UTRN: variants seen among roughly 807,000 people sequenced by gnomAD.
UTRN encodes the protein utrophin.
UTRN carries 283 observed loss-of-function variants against 463.9 expected under a neutral mutation model. That is an observed-to-expected ratio of 0.61 (90% CI 0.55 to 0.67). The LOEUF is 0.67. Among genes scored for constraint, UTRN ranks in the 30% least tolerant of loss-of-function variants. The pLI is 0.00. For synonymous variants in UTRN, 1,442 were observed against 1,431.5 expected, an observed-to-expected ratio of 1.01 and a Z score of -0.17; for missense variants, 3,922 against 4,084.3, an observed-to-expected ratio of 0.96 and a Z score of 1.08.
chr6:144,495,910 A>G (rs1301150592), intron 33 of UTRN, among the ~76,000 whole-genome samples: 1 of 152,192 alleles, frequency 6.6e-6, no homozygotes, highest in Non-Finnish European at 1.5e-5. Context: ...TAATCCCTGT[A>G]AAAACTCAAG....
At chr6:144,426,231 G>A (rs2114858762) in intron 6 of UTRN, 56 bp from the exon 7 acceptor site, 1 of 1,541,550 alleles carries the variant, frequency 6.5e-7, no homozygotes, top group Non-Finnish European at 8.8e-7. Flanking sequence ...ATTGAAGTAA[G>A]TTGAAGTAAA....
At chr6:144,720,881 T>A (rs1430745072) in intron 53 of UTRN, among the ~76,000 whole-genome samples, 2 of 152,212 alleles carry the variant, frequency 1.3e-5, no homozygotes, top group Non-Finnish European at 2.9e-5. Context: ...GCTAGTATTG[T>A]TCTCTCTTCC....
At chr6:144,733,002 C>A (rs957439599) in intron 54 of UTRN, among the ~76,000 whole-genome samples, 6 of 152,126 alleles carry the variant, frequency 3.9e-5, no homozygotes, top group African/African-American at 1.4e-4. Flanking sequence ...CGTGCCCAGC[C>A]TAGCATAATA....
intron 32 of UTRN, 84 bp from the exon 33 acceptor site, chr6:144,493,217 G>A: frequency 7.2e-7 from 1 of 1,384,806 alleles, no homozygotes; most frequent in Non-Finnish European, 1.0e-6. Context: ...CTGTCAATCT[G>A]TGTAAGCTGT....
intron 17 of UTRN, among the ~76,000 whole-genome samples, chr6:144,449,924 G>A (rs1788085084): frequency 2.6e-5 from 4 of 152,100 alleles, no homozygotes; most frequent in South Asian, 2.1e-4. Context: ...TAATAATAGT[G>A]TATACTTTTT....
At position 144,442,753 on chromosome 6, in the gene UTRN, T is replaced by A. The variant is rs2114907084; in HGVS notation, c.1513-1528T>A. Among the ~76,000 whole-genome samples, 5 of 152,240 alleles carry A rather than the reference T, an allele frequency of 3.3e-5. 1 individual carries two copies. In the Middle Eastern group the frequency reaches 0.017, roughly 518 times the overall value. The stretch of plus-strand genomic sequence containing the variant: ...CTCCCACCAAGTTCCTCTCAAAAAA[T>A]GTGAGAACTGTGGTAGTTATAATGC... On this transcript the variant is annotated intron_variant, in intron 13 of 74. Coordinates refer to ENST00000367545, the MANE Select transcript of UTRN (RefSeq NM_007124.3).
At chr6:144,663,411 A>AT (rs1780078187) in intron 51 of UTRN, among the ~76,000 whole-genome samples, 1 of 152,000 alleles carries the variant, frequency 6.6e-6, no homozygotes, top group South Asian at 2.1e-4. Flanking sequence ...ATTTTAATTA[A>AT]TTTTTTTCCC....
At chr6:144,614,942 T>G (rs1376760682) in intron 51 of UTRN, among the ~76,000 whole-genome samples, 1 of 152,092 alleles carries the variant, frequency 6.6e-6, no homozygotes. Context: ...TAAGAAACCC[T>G]CAACATTTCA....
At chr6:144,683,643 A>G (rs61327327) in intron 52 of UTRN, among the ~76,000 whole-genome samples, 3,177 of 152,248 alleles carry the variant, frequency 0.021, 105 homozygotes, top group African/African-American at 0.071. Context: ...AAACTTTTCC[A>G]TCACTTTTCT....
chr6:144,440,929 T>A (rs1787092505), intron 13 of UTRN, among the ~76,000 whole-genome samples: 1 of 152,186 alleles, frequency 6.6e-6, no homozygotes, highest in South Asian at 2.1e-4. Context: ...GCAGGGAAAC[T>A]CCTTTTTTTA....
rs1027182910 is a variant in UTRN, at chr6:144,803,128, T to C, written c.9338T>C (p.Met3113Thr). Residue 3113 changes from methionine to threonine, a missense_variant, in exon 65 of 75, where the codon ATG becomes ACG. Physicochemically the swap from Met to Thr is moderately conservative, Grantham distance 81. Around this residue, in one of 3 missense-constraint regions of UTRN, gnomAD observed 1,309 missense variants for 1,452.6 expected, o/e 0.90. Transcript: ENST00000367545. ...AAAGGTCACAAATTACATTACCCAA[T>C]GGTGGAATATTGTATACCTGTGAGT... The part of the protein sequence containing the change: ...TAKGHKLHYP[M>T]VEYCIPTTSG... 1.5e-5 allele frequency: 24 copies of C among 1,574,242 alleles called. No homozygotes were observed. The highest frequency in any genetic ancestry group is 2.0e-5 in the Non-Finnish European group (23 of 1,160,036).
chr6:144,755,793 A>G (rs1164291279), intron 57 of UTRN, among the ~76,000 whole-genome samples: 1 of 152,152 alleles, frequency 6.6e-6, no homozygotes. Context: ...AAACAGCTAA[A>G]AAGTACTATA....
chr6:144,531,709 A>C (rs1196701411), intron 42 of UTRN, among the ~76,000 whole-genome samples: 1 of 152,230 alleles, frequency 6.6e-6, no homozygotes, highest in Non-Finnish European at 1.5e-5. Flanking sequence ...AGGTCTTTAA[A>C]AATAATGGTA....
intron 25 of UTRN, 98 bp from the exon 26 acceptor site, chr6:144,479,714 T>C (rs1791649304): frequency 7.1e-7 from 1 of 1,401,554 alleles, no homozygotes. Context: ...CAATTCGTTG[T>C]GGAAAGTTAT....
intron 51 of UTRN, among the ~76,000 whole-genome samples, chr6:144,600,789 A>G (rs1189490866): frequency 6.6e-6 from 1 of 152,232 alleles, no homozygotes; most frequent in Non-Finnish European, 1.5e-5. Context: ...AGCAGCTTTC[A>G]ATTAGATGTC....
At position 144,840,832 on chromosome 6, in the gene UTRN, C is replaced by T. The variant is rs11546880; in HGVS notation, c.10270C>T (p.Pro3424Ser). The change falls in exon 73 of 75, where the codon CCA becomes TCA. Residue 3424 changes from proline (P) to serine (S), a missense_variant and splice_region_variant. Pro to Ser is a moderately conservative substitution (Grantham distance 74). Transcript: ENST00000367545. Reference protein sequence around the residue: ...QIHSTFPSCCPNVPSRPQAM With the variant: ...QIHSTFPSCCSNVPSRPQAM ...TCACAGCACGTTTCCATCTTGCTGCCGTGAGTATGAAAGATTGCAGCACCA... is the reference window on the plus strand; with the variant it reads ...TCACAGCACGTTTCCATCTTGCTGCTGTGAGTATGAAAGATTGCAGCACCA... 8.7e-6 allele frequency: 14 copies of T among 1,613,808 alleles called. No individual in the cohort carries two copies. In the East Asian group the frequency reaches 1.3e-4, roughly 15 times the overall value.
intron 2 of UTRN, among the ~76,000 whole-genome samples, chr6:144,340,164 C>T (rs1418215659): frequency 6.6e-6 from 1 of 152,158 alleles, no homozygotes; most frequent in Non-Finnish European, 1.5e-5. Context: ...AAGACTGCGA[C>T]TGCGTCTCAA....
intron 23 of UTRN, among the ~76,000 whole-genome samples, chr6:144,470,361 G>A (rs1402868321): frequency 5.9e-5 from 9 of 151,700 alleles, no homozygotes; most frequent in East Asian, 1.9e-4. Context: ...TGGCTGCCGG[G>A]CGGAGGGGCT....
At chr6:144,405,456 G>C (rs1020006562) in intron 3 of UTRN, among the ~76,000 whole-genome samples, 2 of 151,888 alleles carry the variant, frequency 1.3e-5, no homozygotes, top group Non-Finnish European at 2.9e-5. Flanking sequence ...TTCATGCCTG[G>C]TATTACTAGG....
Sources: gnomAD v4.1 joint callset for allele counts (sites outside exome capture counted in the v4.1 genomes callset) on GRCh38, gnomAD v4.1.1 for gene constraint, gnomAD v4.1.1 regional missense constraint, MANE v1.5 for transcripts, NCBI Gene and HGNC (gene_info 2026-07-23, HGNC 2026-07-21) for gene names.